ASB7: variants seen among roughly 807,000 people sequenced by gnomAD.
ASB7 encodes the protein ankyrin repeat and SOCS box protein 7.
A neutral mutation model predicts 32.5 loss-of-function variants in ASB7; 4 were observed. The observed-to-expected ratio is 0.12, with a 90% CI of 0.06 to 0.28. ASB7 has a LOEUF of 0.28. Among genes scored for constraint, ASB7 ranks in the 10% least tolerant of loss-of-function variants. ASB7 has a pLI of 1.00. For synonymous variants in ASB7, 172 were observed against 155.6 expected (o/e 1.11, Z -0.78); for missense variants, 181 against 407.1 (o/e 0.44, Z 4.78).
At chr15:100,621,905 A>G (rs2039796005) in intron 4 of ASB7, among the ~76,000 whole-genome samples, 1 of 151,900 alleles carries the variant, frequency 6.6e-6, no homozygotes, top group Non-Finnish European at 1.5e-5. Flanking sequence ...CAATATCAAG[A>G]GTGGAAGAGA....
chr15:100,604,206 T>G (rs1251454550), intron 2 of ASB7, among the ~76,000 whole-genome samples: 1 of 152,238 alleles, frequency 6.6e-6, no homozygotes, highest in African/African-American at 2.4e-5. Flanking sequence ...GATTGAAATT[T>G]AAGCATCTAA....
At chr15:100,611,497 T>TTTTTTTTTTTTTTTTTTTTTTTTTTTAA in intron 3 of ASB7, among the ~76,000 whole-genome samples, 1 of 141,626 alleles carries the variant, frequency 7.1e-6, no homozygotes, top group African/African-American at 2.6e-5. Context: ...TTTTTTTTTT[T>TTTTTTTTTTTTTTTTTTTTTTTTTTTAA]GAGACAGAAT....
At chr15:100,606,551 G>A (rs78248484) in intron 2 of ASB7, among the ~76,000 whole-genome samples, 2,049 of 152,270 alleles carry the variant, frequency 0.013, 46 homozygotes, top group African/African-American at 0.044. Context: ...CTATCATATA[G>A]ACTTAACTAT....
At position 100,611,484 on chromosome 15, in the gene ASB7, C is replaced by CTTTTTTTTTTTTTTCTTTTT. The variant is rs61153969; in HGVS notation, c.-51-669_-51-668insTCTTTTTTTTTTTTTTTTTT. On this transcript the variant is annotated intron_variant, in intron 3 of 5. Transcript: ENST00000332783. ...GGTTAATCACCAGATTGTTTCGATTCTTTTTTTTTTTTTGAGACAGAATTT... is the reference window on the plus strand; with the variant it reads ...GGTTAATCACCAGATTGTTTCGATTCTTTTTTTTTTTTTTCTTTTTTTTTTTTTTTTTTGAGACAGAATTT... Among the ~76,000 whole-genome samples, 2 of 77,144 alleles carry CTTTTTTTTTTTTTTCTTTTT rather than the reference C, an allele frequency of 2.6e-5. 1 individual carries two copies. The highest frequency in any genetic ancestry group is 4.6e-5 in the Non-Finnish European group (2 of 43,162). The allele number at this position is 77,144 out of a possible 152,430, so 50.6% of individuals were successfully genotyped here.
intron 4 of ASB7, among the ~76,000 whole-genome samples, chr15:100,612,777 C>A (rs2039708116): frequency 6.6e-6 from 1 of 152,114 alleles, no homozygotes; most frequent in African/African-American, 2.4e-5. Context: ...CACAAGTTTC[C>A]CCTGTTGATT....
intron 4 of ASB7, among the ~76,000 whole-genome samples, chr15:100,626,582 T>G (rs1206612802): frequency 6.6e-6 from 1 of 152,150 alleles, no homozygotes; most frequent in East Asian, 1.9e-4. Context: ...TCGTGGGTAT[T>G]GAACCCAAGT....
chr15:100,612,898 G>C (rs1433151755), intron 4 of ASB7, among the ~76,000 whole-genome samples: 1 of 152,148 alleles, frequency 6.6e-6, no homozygotes, highest in Admixed American at 6.5e-5. Context: ...TAGAGCACTT[G>C]TTTTTTCCAG....
intron 4 of ASB7, among the ~76,000 whole-genome samples, chr15:100,626,111 C>G (rs2039834447): frequency 6.6e-6 from 1 of 152,048 alleles, no homozygotes; most frequent in South Asian, 2.1e-4. Context: ...AAATAGGATA[C>G]AAAACTACAA....
rs199513767 is a variant in ASB7 at position 100,629,626 on chromosome 15, G to A, written c.401G>A (p.Arg134Gln). ...AAHYGRDSFV[R>Q]LLLEFKAEVD... is the part of the protein sequence containing the mutation. Reference sequence around the variant, plus strand: ...CACTACGGCAGGGACTCATTTGTCCGGCTCCTCCTGGAGTTCAAGGCTGAG... The same window carrying A: ...CACTACGGCAGGGACTCATTTGTCCAGCTCCTCCTGGAGTTCAAGGCTGAG... Residue 134 changes from arginine (R) to glutamine (Q), a missense_variant, in exon 5 of 6, where the codon CGG becomes CAG. Physicochemically the swap from Arg to Gln is conservative, Grantham distance 43. Coordinates refer to ENST00000332783, the MANE Select transcript of ASB7 (RefSeq NM_198243.3). The surrounding 1 kb of genome is among the most constrained non-coding windows in gnomAD (Gnocchi z 6.8). 24 of 1,614,080 alleles carry A rather than the reference G, an allele frequency of 1.5e-5. No individual in the cohort carries two copies. The highest frequency in any genetic ancestry group is 4.5e-5 in the East Asian group (2 of 44,886).
chr15:100,612,456 C>G, intron 4 of ASB7, 29 bp downstream of exon 4: 1 of 1,550,514 alleles, frequency 6.4e-7, no homozygotes, highest in East Asian at 2.2e-5. Context: ...AATCTTTTTC[C>G]CCATGGAGAA....
chr15:100,612,844 C>A (rs1252111794), intron 4 of ASB7, among the ~76,000 whole-genome samples: 2 of 152,138 alleles, frequency 1.3e-5, no homozygotes, highest in Non-Finnish European at 2.9e-5. Context: ...CCTAATGATA[C>A]CCTATCCTTA....
chr15:100,624,441 T>C (rs2039820288), intron 4 of ASB7, among the ~76,000 whole-genome samples: 1 of 152,146 alleles, frequency 6.6e-6, no homozygotes, highest in Admixed American at 6.5e-5. Context: ...AAATATCACA[T>C]ACCAATAAAA....
Position 100,629,683 on chromosome 15 carries a change from C to T in ASB7, c.458C>T (p.Pro153Leu), listed in dbSNP as rs1177867687. Reference protein sequence around the residue: ...VDPLSDKGTTPLQLAIIRERS... With the variant: ...VDPLSDKGTTLLQLAIIRERS... ...CCACTCAGTGATAAAGGTACCACAC[C>T]GCTTCAGCTCGCCATTATCCGAGAG... Residue 153 changes from proline to leucine, a missense_variant, in exon 5 of 6, where the codon CCG becomes CTG. Coordinates refer to ENST00000332783, the MANE Select transcript of ASB7 (RefSeq NM_198243.3). The surrounding 1 kb of genome is among the most constrained non-coding windows in gnomAD (Gnocchi z 6.8). The T allele has an allele frequency of 6.2e-7, 1 of 1,614,202 alleles. No individual in the cohort carries two copies. Among genetic ancestry groups the T allele is most frequent in the Admixed American group, 1.7e-5 (1 of 60,028 alleles).
At chr15:100,632,832 G>A (rs144764514) in intron 5 of ASB7, among the ~76,000 whole-genome samples, 1,703 of 148,020 alleles carry the variant, frequency 0.012, 23 homozygotes, top group Middle Eastern at 0.065. Context: ...AAAAATTGCC[G>A]TAAAAACTCT....
intron 5 of ASB7, among the ~76,000 whole-genome samples, chr15:100,636,107 C>T (rs1329010302): frequency 2.6e-5 from 4 of 152,166 alleles, no homozygotes; most frequent in Non-Finnish European, 5.9e-5. Context: ...TTTCAGTGTT[C>T]GTCAAAATTA....
rs1440962022 is a variant in ASB7 at position 100,629,694 on chromosome 15, G to A, written c.469G>A (p.Ala157Thr). The stretch of plus-strand genomic sequence containing the variant: ...TAAAGGTACCACACCGCTTCAGCTC[G>A]CCATTATCCGAGAGAGGTCAAGCTG... Reference protein sequence around the residue: ...SDKGTTPLQLAIIRERSSCVK... With the variant: ...SDKGTTPLQLTIIRERSSCVK... Residue 157 changes from alanine to threonine, a missense_variant, in exon 5 of 6, where the codon GCC (alanine) becomes ACC (threonine). Transcript: ENST00000332783. The surrounding 1 kb of genome is among the most constrained non-coding windows in gnomAD (Gnocchi z 6.8). 1.2e-6 allele frequency: 2 copies of A among 1,614,174 alleles called. No homozygotes were observed. Among genetic ancestry groups the A allele is most frequent in the Non-Finnish European group, 1.7e-6 (2 of 1,180,044 alleles).
chr15:100,605,229 T>G (rs1260580619), intron 2 of ASB7, among the ~76,000 whole-genome samples: 1 of 152,250 alleles, frequency 6.6e-6, no homozygotes, highest in Non-Finnish European at 1.5e-5. Flanking sequence ...TTGGTCTAGA[T>G]TATACCAGGC....
rs150230229 is a variant in ASB7 at position 100,648,373 on chromosome 15, A to G, written c.868A>G (p.Ile290Val). 3.3e-5 allele frequency: 54 copies of G among 1,612,092 alleles called. No homozygotes were observed. In the Admixed American group the frequency reaches 7.3e-4, roughly 22 times the overall value. Residue 290 changes from isoleucine to valine, a missense_variant, in exon 6 of 6, where the codon ATA becomes GTA. Coordinates refer to ENST00000332783, the MANE Select transcript of ASB7 (RefSeq NM_198243.3). Reference sequence around the variant, plus strand: ...GTGCCGAATTAAAATTCGACAATGTATAGGCCTTCAAAACCTAAAGCTACT... The same window carrying G: ...GTGCCGAATTAAAATTCGACAATGTGTAGGCCTTCAAAACCTAAAGCTACT... ...DLCRIKIRQC[I>V]GLQNLKLLDE...
chr15:100,648,376 G>C lies in ASB7; in HGVS notation c.871G>C (p.Gly291Arg). The C allele has an allele frequency of 1.2e-6, 2 of 1,611,534 alleles. No individual in the cohort carries two copies. Among genetic ancestry groups the C allele is most frequent in the Non-Finnish European group, 1.7e-6 (2 of 1,178,114 alleles). The change falls in exon 6 of 6, where the codon GGC becomes CGC. Residue 291 changes from glycine (G) to arginine (R), a missense_variant. By Grantham distance (125) the Gly-to-Arg change is moderately radical (BLOSUM62 -2). Coordinates refer to ENST00000332783, the MANE Select transcript of ASB7 (RefSeq NM_198243.3). The stretch of plus-strand genomic sequence containing the variant: ...CCGAATTAAAATTCGACAATGTATA[G>C]GCCTTCAAAACCTAAAGCTACTTGA... ...LCRIKIRQCI[G>R]LQNLKLLDEL...
Sources: gnomAD v4.1 joint callset for allele counts (sites outside exome capture counted in the v4.1 genomes callset) on GRCh38, gnomAD v4.1.1 for gene constraint, Gnocchi (gnomAD v3.1) non-coding constraint, MANE v1.5 for transcripts, NCBI Gene and HGNC (gene_info 2026-07-23, HGNC 2026-07-21) for gene names.